CCZ1: variants seen among roughly 807,000 people sequenced by gnomAD.
CCZ1 encodes the protein vacuolar fusion protein CCZ1 homolog.
Under a neutral mutation model 57.8 loss-of-function variants are expected in CCZ1, and 19 were observed. That is an observed-to-expected ratio of 0.33 (90% CI 0.23 to 0.48). The LOEUF is 0.48. CCZ1 is among the 20% of genes least tolerant of loss of function. CCZ1 has a pLI of 0.99. For synonymous variants in CCZ1, 81 were observed against 167.0 expected (o/e 0.49, Z 3.97); for missense variants, 200 against 492.0 (o/e 0.41, Z 5.61).
intron 10 of CCZ1, among the ~76,000 whole-genome samples, chr7:5,914,535 C>T (rs1296443583): frequency 6.7e-6 from 1 of 148,378 alleles, no homozygotes; most frequent in Admixed American, 6.7e-5. Flanking sequence ...TGAATTTGAG[C>T]GTAGAGTTCT....
intron 9 of CCZ1, 90 bp from the exon 10 acceptor site, chr7:5,912,753 G>A: frequency 1.7e-6 from 2 of 1,186,950 alleles, no homozygotes; most frequent in Non-Finnish European, 1.3e-6. Flanking sequence ...AAAGCAACTG[G>A]TGTGTATGAA....
At chr7:5,922,531 AGGGAG>A (rs1191574489) in intron 12 of CCZ1, among the ~76,000 whole-genome samples, 163 of 125,660 alleles carry the variant, frequency 1.3e-3, no homozygotes, top group African/African-American at 5.2e-3. Context: ...CTGAGGGTGC[AGGGAG>A]GGGAGGGGAG....
intron 1 of CCZ1, 100 bp from the exon 2 acceptor site, chr7:5,900,184 A>G: frequency 2.1e-6 from 3 of 1,406,800 alleles, no homozygotes; most frequent in Non-Finnish European, 2.8e-6. Flanking sequence ...TTTTGTCATT[A>G]GCATGTGTGA....
rs796488971 is a variant in CCZ1 at position 5,909,654 on chromosome 7, G to C, written c.699-381G>C. 1.6e-4 allele frequency among the ~76,000 whole-genome samples: 24 copies of C among 146,768 alleles called. 1 individual carries two copies. Among genetic ancestry groups the C allele is most frequent in the African/African-American group, 6.1e-4 (24 of 39,262 alleles). On this transcript the variant is annotated intron_variant, in intron 7 of 14. Coordinates refer to ENST00000325974, the MANE Select transcript of CCZ1 (RefSeq NM_015622.6). Reference sequence around the variant, plus strand: ...GCCAAGGCTGCAGTGAGCCATGATCGCACCACTGCTTCCAGCCTGGGTGAC... The same window carrying C: ...GCCAAGGCTGCAGTGAGCCATGATCCCACCACTGCTTCCAGCCTGGGTGAC...
In CCZ1 at chr7:5,900,950, GTTTA is replaced by G. The variant is rs767044484; in HGVS notation, c.390+30_390+33del. On this transcript the variant is annotated intron_variant, in intron 4 of 14. Coordinates refer to ENST00000325974, the MANE Select transcript of CCZ1 (RefSeq NM_015622.6). ...AGTTGTTGGTAATGTGTCATTGTTT[GTTTA>G]TTTATTTATTTTTTTAAATGTATTG... 80 of 1,304,280 alleles carry G rather than the reference GTTTA, an allele frequency of 6.1e-5. No homozygotes were observed. Among genetic ancestry groups the G allele is most frequent in the South Asian group, 4.1e-4 (28 of 68,602 alleles). The allele number at this position is 1,304,280 out of a possible 1,614,324, so 80.8% of individuals were successfully genotyped here.
chr7:5,903,238 G>C (rs1406310785), intron 6 of CCZ1, among the ~76,000 whole-genome samples: 2 of 146,102 alleles, frequency 1.4e-5, no homozygotes, highest in Non-Finnish European at 3.0e-5. Context: ...GTCCTCTTTC[G>C]TTGTAATTGA....
At chr7:5,911,558 G>T (rs1432021725) in intron 8 of CCZ1, among the ~76,000 whole-genome samples, 1 of 149,044 alleles carries the variant, frequency 6.7e-6, no homozygotes, top group African/African-American at 2.5e-5. Context: ...GCCTCCCAAA[G>T]TGCTGGGATT....
rs571630605 is a variant in CCZ1 at position 5,912,643 on chromosome 7, A to T, written c.843-200A>T. Among the ~76,000 whole-genome samples, 12 of 150,322 alleles carry T rather than the reference A, an allele frequency of 8.0e-5. No individual in the cohort carries two copies. The South Asian group carries it at 2.5e-3, about 32-fold the overall frequency. On this transcript the variant is annotated intron_variant, in intron 9 of 14. Coordinates refer to ENST00000325974, the MANE Select transcript of CCZ1 (RefSeq NM_015622.6). The stretch of plus-strand genomic sequence containing the variant: ...TTGAACTCCTGACTTCAGGTGATCC[A>T]CCCAGCTCAGCCTCCCAAAGTGCTG...
Position 5,904,012 on chromosome 7 carries a change from G to A in CCZ1, c.523-1082G>A, listed in dbSNP as rs1781745039. Among the ~76,000 whole-genome samples, 2 of 142,332 alleles carry A rather than the reference G, an allele frequency of 1.4e-5. 1 individual carries two copies. Among genetic ancestry groups the A allele is most frequent in the African/African-American group, 5.4e-5 (2 of 37,190 alleles). 93.4% of individuals were successfully genotyped at this position (142,332 alleles called of 152,430 possible). ...CCATCTCGGGGGGGGAAATAAAGATGGCACTCTCTGTAGTATTAATGGATA... is the reference window on the plus strand; with the variant it reads ...CCATCTCGGGGGGGGAAATAAAGATAGCACTCTCTGTAGTATTAATGGATA... On this transcript the variant is annotated intron_variant, in intron 6 of 14. Transcript: ENST00000325974.
intron 7 of CCZ1, among the ~76,000 whole-genome samples, chr7:5,906,441 G>C (rs1413611706): frequency 6.8e-6 from 1 of 147,034 alleles, no homozygotes; most frequent in Non-Finnish European, 1.5e-5. Context: ...TCCTGCCTCA[G>C]CCTCCCAAGT....
chr7:5,902,653 C>A lies in CCZ1; in HGVS notation c.439-8C>A, dbSNP rs377313148. On this transcript the variant is annotated splice_region_variant and splice_polypyrimidine_tract_variant and intron_variant, in intron 5 of 14. Coordinates refer to ENST00000325974, the MANE Select transcript of CCZ1 (RefSeq NM_015622.6). ...GATTTTTTTTCCTGCAATCTTTTAC[C>A]TCACTAGCTTTTTAATGGTACATTT... The A allele has an allele frequency of 1.3e-6, 2 of 1,577,552 alleles. No homozygotes were observed. The highest frequency in any genetic ancestry group is 1.7e-6 in the Non-Finnish European group (2 of 1,171,650).
At chr7:5,920,470 C>CTTTTTTTTTTTTTTTTTTTTT (rs200899553) in intron 12 of CCZ1, among the ~76,000 whole-genome samples, 3 of 95,974 alleles carry the variant, frequency 3.1e-5, no homozygotes, top group East Asian at 2.7e-4. Context: ...TTCTCCCTGG[C>CTTTTTTTTTTTTTTTTTTTTT]TTTTTTTTTT....
intron 5 of CCZ1, 161 bp from the exon 6 acceptor site, chr7:5,902,500 C>A (rs773790691): frequency 3.1e-6 from 4 of 1,272,346 alleles, no homozygotes; most frequent in South Asian, 1.8e-5. Flanking sequence ...TTGTAACTTA[C>A]ATTTTTAACT....
chr7:5,910,874 T>A lies in CCZ1; in HGVS notation c.780+758T>A, dbSNP rs562052844. ...CCTCAGGCTCCCGAGTAGCTGAGAT[T>A]ATAGGCACCTGCCACCATGCCCGGC... is the stretch of plus-strand genomic sequence containing the variant. On this transcript the variant is annotated intron_variant, in intron 8 of 14. Transcript: ENST00000325974. Among the ~76,000 whole-genome samples the A allele has an allele frequency of 2.7e-5, 4 of 147,190 alleles. 1 individual carries two copies. In the East Asian group the frequency reaches 9.1e-4, roughly 34 times the overall value.
chr7:5,916,609 G>A (rs1240478701), intron 10 of CCZ1, among the ~76,000 whole-genome samples: 1 of 146,258 alleles, frequency 6.8e-6, no homozygotes. Flanking sequence ...CCCAGTGAGT[G>A]TTTCCCCATC....
rs139960947 is a variant in CCZ1 at position 5,907,112 on chromosome 7, T to G, written c.698+1843T>G. On this transcript the variant is annotated intron_variant, in intron 7 of 14. Coordinates refer to ENST00000325974, the MANE Select transcript of CCZ1 (RefSeq NM_015622.6). ...CTGACCTCAAAGGATCCGCCCACCT[T>G]GGCCTCCCAGTGCTGGGATTACAGG... 8.7e-4 allele frequency among the ~76,000 whole-genome samples: 129 copies of G among 148,334 alleles called. 4 individuals are homozygous for G. The highest frequency in any genetic ancestry group is 3.6e-4 in the Non-Finnish European group (24 of 67,522).
intron 7 of CCZ1, among the ~76,000 whole-genome samples, chr7:5,909,134 A>G (rs1002304821): frequency 6.8e-6 from 1 of 146,212 alleles, no homozygotes; most frequent in Admixed American, 6.8e-5. Flanking sequence ...CTCAAATGGC[A>G]TGTAAAATAC....
rs373756508 is a variant in CCZ1 at position 5,910,604 on chromosome 7, GC to G, written c.780+489del. On this transcript the variant is annotated intron_variant, in intron 8 of 14. Coordinates refer to ENST00000325974, the MANE Select transcript of CCZ1 (RefSeq NM_015622.6). ...GCCTCCCAAAGTGCTGGGATTACAG[GC>G]GTGAGCCACCGCCCCCAGTCCACAA... Among the ~76,000 whole-genome samples, 389 of 144,580 alleles carry G rather than the reference GC, an allele frequency of 2.7e-3. 30 individuals carry two copies. Among genetic ancestry groups the G allele is most frequent in the African/African-American group, 9.1e-3 (364 of 39,956 alleles). The allele number at this position is 144,580 out of a possible 152,430, so 94.9% of individuals were successfully genotyped here. A position where few individuals can be genotyped will look rare whatever the true frequency, so the allele number is the denominator to read the frequency against.
intron 7 of CCZ1, among the ~76,000 whole-genome samples, chr7:5,905,561 A>G (rs1781790517): frequency 6.9e-6 from 1 of 145,664 alleles, no homozygotes; most frequent in Admixed American, 6.7e-5. Context: ...AGGCGGGTGA[A>G]TCACGAGGTC....
Sources: allele counts gnomAD v4.1 joint callset (sites outside exome capture counted in the v4.1 genomes callset), GRCh38; gene constraint gnomAD v4.1.1; transcripts MANE v1.5; gene names NCBI Gene and HGNC (gene_info 2026-07-23, HGNC 2026-07-21).